SPECC1L: variants seen among roughly 807,000 people sequenced by gnomAD.
The protein encoded by SPECC1L is sperm antigen with calponin homology and coiled-coil domains 1 like, also known as cytospin-A.
Under a neutral mutation model 116.8 loss-of-function variants are expected in SPECC1L, and 40 were observed. That is an observed-to-expected ratio of 0.34 (90% CI 0.27 to 0.45). The LOEUF is 0.45. SPECC1L is among the 20% of genes least tolerant of loss of function. SPECC1L has a pLI of 1.00. For missense variants in SPECC1L, 1,110 were observed against 1,373.6 expected, an observed-to-expected ratio of 0.81 and a Z score of 3.03; for synonymous variants, 504 against 500.6, an observed-to-expected ratio of 1.01 and a Z score of -0.09.
intron 11 of SPECC1L, among the ~76,000 whole-genome samples, chr22:24,358,315 C>T (rs1488814708): frequency 6.6e-6 from 1 of 151,736 alleles, no homozygotes; most frequent in Non-Finnish European, 1.5e-5. Flanking sequence ...GCTGTGTTGC[C>T]CAGGCTGGTC....
chr22:24,381,185 G>A (rs528929229), intron 14 of SPECC1L, among the ~76,000 whole-genome samples: 11 of 152,192 alleles, frequency 7.2e-5, no homozygotes, highest in Non-Finnish European at 8.8e-5. Context: ...CTGTTTTCTT[G>A]CCCTGGAAAA....
chr22:24,324,981 A>G (rs2040789557), intron 6 of SPECC1L, among the ~76,000 whole-genome samples: 1 of 152,228 alleles, frequency 6.6e-6, no homozygotes, highest in African/African-American at 2.4e-5. Context: ...TGGGGTTCAT[A>G]ATCAATAATG....
In SPECC1L at chr22:24,305,630, GAACATTCTTATATGTGTGTATT is replaced by G. The variant is rs1431463011; in HGVS notation, c.153+3249_153+3270del. Among the ~76,000 whole-genome samples, 4 of 152,092 alleles carry G rather than the reference GAACATTCTTATATGTGTGTATT, an allele frequency of 2.6e-5. No homozygotes were observed. In the East Asian group the frequency reaches 5.8e-4, roughly 22 times the overall value. ...CTGTGGTTATGAGTATTATTGTTATGAACATTCTTATATGTGTGTATTAATACACATGTGCACCCATTTGTGT... is the reference window on the plus strand; with the variant it reads ...CTGTGGTTATGAGTATTATTGTTATGAATACACATGTGCACCCATTTGTGT... On this transcript the variant is annotated intron_variant, in intron 3 of 16. Coordinates refer to ENST00000314328, the MANE Select transcript of SPECC1L (RefSeq NM_015330.6).
chr22:24,321,720 AGG>A lies in SPECC1L; in HGVS notation c.741_742del (p.Glu248ThrfsTer7). The A allele has an allele frequency of 2.5e-6, 4 of 1,614,266 alleles. No individual in the cohort carries two copies. The Admixed American group carries it at 6.7e-5, about 27-fold the overall frequency. Reference sequence around the variant, plus strand: ...GTGGAGTCCACTTTATTGCAGTTGCAGGAACAGAATACTGCCATCCGTGAAGA... The same window carrying A: ...GTGGAGTCCACTTTATTGCAGTTGCAAACAGAATACTGCCATCCGTGAAGA... On this transcript the variant is annotated frameshift_variant, in exon 5 of 17. Transcript: ENST00000314328. LOFTEE classifies it high-confidence loss of function.
chr22:24,292,543 G>T (rs190253857), intron 2 of SPECC1L, among the ~76,000 whole-genome samples: 2 of 152,268 alleles, frequency 1.3e-5, no homozygotes, highest in African/African-American at 4.8e-5. Context: ...AAGTGATTAA[G>T]TGATTTGTCC....
chr22:24,316,707 T>C (rs2040576106), intron 4 of SPECC1L, among the ~76,000 whole-genome samples: 5 of 149,774 alleles, frequency 3.3e-5, no homozygotes, highest in Admixed American at 2.0e-4. Context: ...AACCATCCGA[T>C]TTCTCAATCT....
At chr22:24,402,414 C>T (rs753132509) in intron 14 of SPECC1L, among the ~76,000 whole-genome samples, 15 of 152,000 alleles carry the variant, frequency 9.9e-5, no homozygotes, top group Non-Finnish European at 1.6e-4. Flanking sequence ...ATATCTTCTC[C>T]CACCATACTA....
chr22:24,316,052 T>C (rs758642265), intron 4 of SPECC1L, among the ~76,000 whole-genome samples: 1 of 152,216 alleles, frequency 6.6e-6, no homozygotes, highest in Non-Finnish European at 1.5e-5. Flanking sequence ...CTTCAACATA[T>C]TAATTTTGTG....
intron 6 of SPECC1L, among the ~76,000 whole-genome samples, chr22:24,328,424 A>G (rs1243786100): frequency 6.6e-6 from 1 of 152,180 alleles, no homozygotes; most frequent in Non-Finnish European, 1.5e-5. Flanking sequence ...GATTTTACTA[A>G]TTCACTTCTT....
At chr22:24,414,440 C>A (rs2042763699) in intron 16 of SPECC1L, 94 bp from the exon 17 acceptor site, 2 of 1,000,598 alleles carry the variant, frequency 2.0e-6, no homozygotes, top group Non-Finnish European at 1.6e-6. Flanking sequence ...AAGGCCCCAT[C>A]CAACTCCAAG....
At chr22:24,409,599 G>A (rs1053196436) in intron 14 of SPECC1L, among the ~76,000 whole-genome samples, 1 of 152,178 alleles carries the variant, frequency 6.6e-6, no homozygotes, top group Admixed American at 6.5e-5. Context: ...GCTGCAGTGA[G>A]CTATGATTGT....
chr22:24,278,462 T>A (rs970208461), intron 2 of SPECC1L, among the ~76,000 whole-genome samples: 4 of 152,192 alleles, frequency 2.6e-5, no homozygotes, highest in African/African-American at 9.7e-5. Context: ...GGTACCACTC[T>A]AACTCATTGT....
intron 10 of SPECC1L, among the ~76,000 whole-genome samples, chr22:24,346,265 C>T (rs541942781): frequency 7.4e-4 from 113 of 152,114 alleles, no homozygotes; most frequent in Non-Finnish European, 1.3e-3. Flanking sequence ...CTCAGCCTCC[C>T]GAAGTGCTGG....
intron 2 of SPECC1L, among the ~76,000 whole-genome samples, chr22:24,286,430 T>C (rs2049044877): frequency 6.6e-6 from 1 of 152,232 alleles, no homozygotes; most frequent in African/African-American, 2.4e-5. Flanking sequence ...TTGCAATACA[T>C]TGCTCCTGAG....
At chr22:24,403,842 G>T (rs938746170) in intron 14 of SPECC1L, among the ~76,000 whole-genome samples, 1 of 152,154 alleles carries the variant, frequency 6.6e-6, no homozygotes, top group African/African-American at 2.4e-5. Flanking sequence ...AATTTCATTT[G>T]CGAGGCATAC....
chr22:24,277,464 C>T (rs1199684999), intron 2 of SPECC1L, among the ~76,000 whole-genome samples: 1 of 152,168 alleles, frequency 6.6e-6, no homozygotes, highest in Admixed American at 6.5e-5. Context: ...ATGCATTGAT[C>T]ACCACCATCT....
At chr22:24,312,795 T>A (rs1236392750) in intron 3 of SPECC1L, among the ~76,000 whole-genome samples, 4 of 152,194 alleles carry the variant, frequency 2.6e-5, no homozygotes, top group African/African-American at 4.8e-5. Context: ...TATTAATATA[T>A]TATGCATGTT....
chr22:24,300,196 C>T (rs1298121432), intron 2 of SPECC1L, among the ~76,000 whole-genome samples: 1 of 152,166 alleles, frequency 6.6e-6, no homozygotes. Context: ...CTTGTATTCT[C>T]ATTTTTCACC....
chr22:24,414,663 T>G lies in SPECC1L; in HGVS notation c.*40T>G, dbSNP rs1414285044. On this transcript the variant is annotated 3_prime_UTR_variant, in exon 17 of 17. Transcript: ENST00000314328. ...GCCGCCCCAATAGCGGGGGTACCCC[T>G]CCACAGCGACCGAGCGACACCGACG... 1 of 1,583,756 alleles carries G rather than the reference T, an allele frequency of 6.3e-7. No homozygotes were observed. Among genetic ancestry groups the G allele is most frequent in the South Asian group, 1.1e-5 (1 of 90,328 alleles).
Sources: gnomAD v4.1 joint callset for allele counts (sites outside exome capture counted in the v4.1 genomes callset) on GRCh38, gnomAD v4.1.1 for gene constraint, MANE v1.5 for transcripts, NCBI Gene and HGNC (gene_info 2026-07-23, HGNC 2026-07-21) for gene names.